Variants in SCFD2 observed in about 807,000 individuals in gnomAD.
SCFD2 encodes sec1 family domain containing 2, also known as sec1 family domain-containing protein 2.
A neutral mutation model predicts 58.9 loss-of-function variants in SCFD2; 54 were observed. The ratio of observed to expected loss-of-function variants is 0.92; its 90% CI spans 0.74 to 1.15. SCFD2 has a LOEUF of 1.15. SCFD2 is among the 50% of genes most tolerant of loss of function. The pLI, the probability that SCFD2 is intolerant of heterozygous loss-of-function variation, is 0.00. For synonymous variants in SCFD2, 321 were observed against 335.9 expected (o/e 0.96, Z 0.49); for missense variants, 805 against 836.6 (o/e 0.96, Z 0.47).
chr4:52,889,755 C>T (rs1718837827), intron 7 of SCFD2, among the ~76,000 whole-genome samples: 1 of 152,220 alleles, frequency 6.6e-6, no homozygotes, highest in South Asian at 2.1e-4. Context: ...AAAACCAGCA[C>T]CCTGAAGAGA....
intron 2 of SCFD2, among the ~76,000 whole-genome samples, chr4:53,332,417 T>A (rs1303598314): frequency 6.6e-6 from 1 of 151,610 alleles, no homozygotes; most frequent in South Asian, 2.1e-4. Context: ...GTGGGCTTCA[T>A]CCCTGGGATG....
rs543187808 is a variant in SCFD2, at chr4:52,916,488, C to A, written c.1707+4237G>T. Among the ~76,000 whole-genome samples, 12 of 152,282 alleles carry A rather than the reference C, an allele frequency of 7.9e-5. No individual in the cohort carries two copies. In the South Asian group the frequency reaches 2.5e-3, roughly 32 times the overall value. ...ATTTGGGAGGCTGAGGCATGAGAAT[C>A]GCTTGAACCTGGGAGGCAGAGGTTG... On this transcript the variant is annotated intron_variant, in intron 6 of 8. Coordinates refer to ENST00000401642, the MANE Select transcript of SCFD2 (RefSeq NM_152540.4).
chr4:52,920,452 C>T lies in SCFD2; in HGVS notation c.1707+273G>A, dbSNP rs535744826. 1.1e-4 allele frequency among the ~76,000 whole-genome samples: 16 copies of T among 152,262 alleles called. No individual in the cohort carries two copies. In the East Asian group the frequency reaches 3.1e-3, roughly 29 times the overall value. ...GAGGAGAGAAGGGACTTGCAGAAGG[C>T]TATAGAATCAGTCTGCGACAAACCC... On this transcript the variant is annotated intron_variant, in intron 6 of 8. Coordinates refer to ENST00000401642, the MANE Select transcript of SCFD2 (RefSeq NM_152540.4).
At chr4:53,175,414 C>T (rs1026452688) in intron 4 of SCFD2, among the ~76,000 whole-genome samples, 31 of 152,092 alleles carry the variant, frequency 2.0e-4, no homozygotes, top group African/African-American at 5.1e-4. Context: ...GTACATGGAA[C>T]GAGGCTAAAA....
chr4:52,920,978 A>G lies in SCFD2; in HGVS notation c.1562-108T>C. ...TGGGAGGTTTTTTTTTTTCTTTATT[A>G]TTATTATTATTATTGTTATTTTTTA... is the stretch of plus-strand genomic sequence containing the variant. On this transcript the variant is annotated intron_variant, in intron 5 of 8. Coordinates refer to ENST00000401642, the MANE Select transcript of SCFD2 (RefSeq NM_152540.4). 6.4e-6 allele frequency: 3 copies of G among 466,106 alleles called. 1 individual carries two copies. In the South Asian group the frequency reaches 2.1e-4, roughly 33 times the overall value. The allele number at this position is 466,106 out of a possible 1,614,324, so 28.9% of individuals were successfully genotyped here.
intron 5 of SCFD2, among the ~76,000 whole-genome samples, chr4:53,098,572 T>G (rs1226540080): frequency 1.3e-5 from 2 of 151,480 alleles, no homozygotes; most frequent in African/African-American, 4.8e-5. Context: ...TCCCATTTTG[T>G]TCTTTAAACA....
intron 5 of SCFD2, among the ~76,000 whole-genome samples, chr4:53,063,573 C>A (rs1259126440): frequency 6.6e-6 from 1 of 152,074 alleles, no homozygotes; most frequent in Non-Finnish European, 1.5e-5. Flanking sequence ...TCAGATGCTG[C>A]TGCTGCTTGC....
chr4:53,010,375 G>T (rs1284360351), intron 5 of SCFD2, among the ~76,000 whole-genome samples: 1 of 152,128 alleles, frequency 6.6e-6, no homozygotes, highest in Non-Finnish European at 1.5e-5. Flanking sequence ...TATTCAAAAC[G>T]TGACTTTTAC....
intron 4 of SCFD2, among the ~76,000 whole-genome samples, chr4:53,170,936 T>C (rs960597071): frequency 1.3e-5 from 2 of 152,214 alleles, no homozygotes; most frequent in Non-Finnish European, 2.9e-5. Context: ...GTGAAATCTT[T>C]AGGGTTTTCT....
intron 5 of SCFD2, among the ~76,000 whole-genome samples, chr4:52,984,898 T>G (rs1721453982): frequency 6.6e-6 from 1 of 152,204 alleles, no homozygotes; most frequent in Non-Finnish European, 1.5e-5. Flanking sequence ...GAAAAATGAT[T>G]TTGCTTACTT....
chr4:53,187,880 A>T lies in SCFD2; in HGVS notation c.1312-42298T>A, dbSNP rs1727783404. On this transcript the variant is annotated intron_variant, in intron 4 of 8. Coordinates refer to ENST00000401642, the MANE Select transcript of SCFD2 (RefSeq NM_152540.4). ...AACATATCTTCATAATTAACAAAAT[A>T]AAAATTATCTTTCCAAAAGGAAAAA... 2.6e-5 allele frequency among the ~76,000 whole-genome samples: 4 copies of T among 152,162 alleles called. No homozygotes were observed. In the South Asian group the frequency reaches 8.3e-4, roughly 31 times the overall value.
chr4:53,323,971 C>T (rs1479356046), intron 2 of SCFD2, among the ~76,000 whole-genome samples: 3 of 152,078 alleles, frequency 2.0e-5, no homozygotes, highest in Non-Finnish European at 4.4e-5. Context: ...CTATTAAAAA[C>T]CCCAAATAAA....
chr4:53,072,773 C>T (rs1294985673), intron 5 of SCFD2, among the ~76,000 whole-genome samples: 2 of 139,820 alleles, frequency 1.4e-5, no homozygotes, highest in Non-Finnish European at 3.3e-5. Flanking sequence ...TCCCTGGGAC[C>T]CTTCTCTGTA....
At chr4:52,879,549 G>A (rs1718559719) in intron 8 of SCFD2, among the ~76,000 whole-genome samples, 1 of 152,214 alleles carries the variant, frequency 6.6e-6, no homozygotes, top group South Asian at 2.1e-4. Context: ...CTGACTGTGA[G>A]ATGGGGTGGA....
intron 5 of SCFD2, among the ~76,000 whole-genome samples, chr4:53,125,701 T>C (rs969668599): frequency 1.1e-4 from 16 of 152,238 alleles, no homozygotes; most frequent in Admixed American, 3.3e-4. Context: ...CCACTTCATA[T>C]TAAACATTAT....
intron 3 of SCFD2, among the ~76,000 whole-genome samples, chr4:53,289,871 T>C (rs1459430156): frequency 2.6e-5 from 4 of 152,106 alleles, no homozygotes; most frequent in Non-Finnish European, 5.9e-5. Flanking sequence ...AGTCAAAAAC[T>C]GGTACAAGAG....
chr4:53,217,597 A>T (rs1051257637), intron 4 of SCFD2, among the ~76,000 whole-genome samples: 1 of 152,058 alleles, frequency 6.6e-6, no homozygotes, highest in African/African-American at 2.4e-5. Context: ...TCTTTATCCA[A>T]TTTGCCAGTC....
Position 52,885,842 on chromosome 4 carries a change from A to G in SCFD2, c.1867T>C (p.Tyr623His), listed in dbSNP as rs775978014. 2.5e-6 allele frequency: 4 copies of G among 1,614,028 alleles called. No homozygotes were observed. The Admixed American group carries it at 6.7e-5, about 27-fold the overall frequency. Residue 623 changes from tyrosine to histidine, a missense_variant, in exon 8 of 9, where the codon TAC becomes CAC. Tyr to His is a moderately conservative substitution (Grantham distance 83). Transcript: ENST00000401642. ...ACCACAAAGAGGATCAGGAGGGGGT[A>G]GTCACTAGGATGAGGCCGGCTCACC... The part of the protein sequence containing the change: ...MKVSRPHPSD[Y>H]PLLILFVVGG...
chr4:53,009,608 G>T (rs1414443030), intron 5 of SCFD2, among the ~76,000 whole-genome samples: 3 of 152,116 alleles, frequency 2.0e-5, no homozygotes, highest in Non-Finnish European at 4.4e-5. Flanking sequence ...CTTTCCCTTC[G>T]TTCTCGTAAT....
Sources: allele counts gnomAD v4.1 joint callset (sites outside exome capture counted in the v4.1 genomes callset), GRCh38; gene constraint gnomAD v4.1.1; transcripts MANE v1.5; gene names NCBI Gene and HGNC (gene_info 2026-07-23, HGNC 2026-07-21).